The following HSDL2 variants were observed in gnomAD, a reference collection of about 807,000 sequenced individuals.
HSDL2 encodes hydroxysteroid dehydrogenase like 2.
HSDL2 carries 27 observed loss-of-function variants against 46.3 expected under a neutral mutation model. The ratio of observed to expected loss-of-function variants is 0.58; its 90% confidence interval spans 0.43 to 0.80. The LOEUF (loss-of-function observed/expected upper bound fraction) is 0.80, where lower values mean the gene tolerates loss of function less well. Among genes scored for constraint, HSDL2 ranks in the 30% least tolerant of loss-of-function variants. The pLI, the probability that HSDL2 is intolerant of heterozygous loss-of-function variation, is 0.00. For synonymous variants in HSDL2, 153 were observed against 163.6 expected (o/e 0.94, Z 0.50); for missense variants, 451 against 502.7 (o/e 0.90, Z 0.98).
chr9:112,466,344 G>C (rs1275925608), intron 10 of HSDL2, among the ~76,000 whole-genome samples: 1 of 152,172 alleles, frequency 6.6e-6, no homozygotes, highest in Non-Finnish European at 1.5e-5. Context: ...CTTGAGGTCA[G>C]GACTTCGAGA....
Position 112,405,714 on chromosome 9 carries a change from A to T in HSDL2, c.272A>T (p.Lys91Ile), listed in dbSNP as rs41280175. 18,292 of 1,600,750 alleles carry T rather than the reference A, an allele frequency of 0.011. 140 individuals are homozygous for T. Among genetic ancestry groups the T allele is most frequent in the Non-Finnish European group, 0.014 (16,322 of 1,169,490 alleles). Residue 91 changes from lysine to isoleucine, a missense_variant, in exon 3 of 11, where the codon AAA (lysine) becomes ATA (isoleucine). Transcript: ENST00000398805. The part of the protein sequence containing the change: ...ISAAVEKAIK[K>I]FGGIDILVNN... ...GCTGCAGTGGAGAAAGCCATCAAGAAATTTGGAGGTAATACCTTCATTCTG... is the reference window on the plus strand; with the variant it reads ...GCTGCAGTGGAGAAAGCCATCAAGATATTTGGAGGTAATACCTTCATTCTG...
chr9:112,463,152 C>T (rs569715387), intron 10 of HSDL2, among the ~76,000 whole-genome samples: 1 of 151,998 alleles, frequency 6.6e-6, no homozygotes, highest in Admixed American at 6.6e-5. Flanking sequence ...GATATTGCTG[C>T]TATGAACATT....
chr9:112,392,070 G>A (rs2132601590), intron 1 of HSDL2, among the ~76,000 whole-genome samples: 1 of 152,250 alleles, frequency 6.6e-6, no homozygotes, highest in East Asian at 1.9e-4. Flanking sequence ...GGGCCTCCAG[G>A]GGTGACATCA....
At chr9:112,439,548 AT>A (rs1832596819) in intron 7 of HSDL2, among the ~76,000 whole-genome samples, 2 of 152,232 alleles carry the variant, frequency 1.3e-5, no homozygotes, top group African/African-American at 4.8e-5. Context: ...ATGTATTCTA[AT>A]ATAGCCATAC....
At chr9:112,447,907 A>C (rs1178286010) in intron 8 of HSDL2, among the ~76,000 whole-genome samples, 1 of 152,196 alleles carries the variant, frequency 6.6e-6, no homozygotes, top group Middle Eastern at 3.2e-3. Flanking sequence ...GGTCACCATC[A>C]TGAGTTTTTT....
At chr9:112,430,883 T>C (rs1301997486) in intron 6 of HSDL2, among the ~76,000 whole-genome samples, 1 of 151,580 alleles carries the variant, frequency 6.6e-6, no homozygotes. Flanking sequence ...TGAAACCCCA[T>C]CTGTACTAAA....
At chr9:112,397,762 C>T (rs1321900555) in intron 1 of HSDL2, among the ~76,000 whole-genome samples, 1 of 152,050 alleles carries the variant, frequency 6.6e-6, no homozygotes, top group Non-Finnish European at 1.5e-5. Context: ...GCCAAAAGGT[C>T]CCAGTCTAAA....
At chr9:112,465,760 T>C (rs1315044685) in intron 10 of HSDL2, among the ~76,000 whole-genome samples, 1 of 152,266 alleles carries the variant, frequency 6.6e-6, no homozygotes, top group Non-Finnish European at 1.5e-5. Context: ...CTGAATATTA[T>C]TCCATTATAT....
chr9:112,468,944 T>C (rs969118627), intron 10 of HSDL2, among the ~76,000 whole-genome samples: 8 of 152,300 alleles, frequency 5.3e-5, no homozygotes, highest in Non-Finnish European at 1.0e-4. Context: ...CATGATCCAG[T>C]TGATTTAGCT....
intron 6 of HSDL2, among the ~76,000 whole-genome samples, chr9:112,425,987 C>T (rs558420939): frequency 6.6e-6 from 1 of 152,208 alleles, no homozygotes; most frequent in African/African-American, 2.4e-5. Flanking sequence ...GAAATCCTTG[C>T]ACCTCGGCCT....
At chr9:112,446,622 C>T (rs901011517) in intron 8 of HSDL2, among the ~76,000 whole-genome samples, 3 of 152,072 alleles carry the variant, frequency 2.0e-5, no homozygotes, top group Non-Finnish European at 4.4e-5. Context: ...CAGAGGGAGA[C>T]CCTATCTCAA....
At chr9:112,458,979 T>G (rs1338888762) in intron 9 of HSDL2, among the ~76,000 whole-genome samples, 1 of 136,798 alleles carries the variant, frequency 7.3e-6, no homozygotes, top group Admixed American at 7.8e-5. Context: ...AGACTCCATC[T>G]CCAAAAAAAA....
chr9:112,433,834 T>C (rs7038491), intron 6 of HSDL2: 40,720 of 152,106 alleles, frequency 0.27, 5,609 homozygotes, highest in Middle Eastern at 0.38. Context: ...AGGAGATTTA[T>C]TGTGCTTAAC....
At chr9:112,398,866 G>T (rs1388680983) in intron 1 of HSDL2, among the ~76,000 whole-genome samples, 3 of 152,122 alleles carry the variant, frequency 2.0e-5, no homozygotes, top group African/African-American at 7.2e-5. Context: ...ATAGGTACCT[G>T]AACTCCTCCC....
chr9:112,422,627 A>T (rs538931277), intron 6 of HSDL2, among the ~76,000 whole-genome samples: 6 of 152,326 alleles, frequency 3.9e-5, no homozygotes, highest in Admixed American at 3.9e-4. Flanking sequence ...GGAACTTCAC[A>T]TGCAAATACC....
intron 6 of HSDL2, among the ~76,000 whole-genome samples, chr9:112,419,740 C>A (rs1832078213): frequency 6.6e-6 from 1 of 152,188 alleles, no homozygotes; most frequent in Admixed American, 6.5e-5. Flanking sequence ...TCTGAATTCA[C>A]AGAGTACCTG....
chr9:112,416,737 C>T lies in HSDL2; in HGVS notation c.396-104C>T. On this transcript the variant is annotated intron_variant, in intron 4 of 10. Coordinates refer to ENST00000398805, the MANE Select transcript of HSDL2 (RefSeq NM_032303.5). ...TTTAGTGAACTGTGATCGAGTCATGCACTCCAGCCTGGGCAACAGAGCAAG... is the reference window on the plus strand; with the variant it reads ...TTTAGTGAACTGTGATCGAGTCATGTACTCCAGCCTGGGCAACAGAGCAAG... 3 of 578,248 alleles carry T rather than the reference C, an allele frequency of 5.2e-6. No individual in the cohort carries two copies. The South Asian group carries it at 6.5e-5, about 12-fold the overall frequency. 35.8% of individuals were successfully genotyped at this position (578,248 alleles called of 1,614,324 possible).
chr9:112,443,109 A>AAT (rs1446961446), intron 8 of HSDL2, among the ~76,000 whole-genome samples: 1 of 152,194 alleles, frequency 6.6e-6, no homozygotes, highest in African/African-American at 2.4e-5. Flanking sequence ...CAAACTCTAG[A>AAT]AGAGTCTGGT....
At chr9:112,406,802 T>A (rs978586404) in intron 3 of HSDL2, among the ~76,000 whole-genome samples, 1 of 152,176 alleles carries the variant, frequency 6.6e-6, no homozygotes, top group African/African-American at 2.4e-5. Flanking sequence ...TTGATCCTTA[T>A]CTTGTACTAT....
Sources: allele counts gnomAD v4.1 joint callset (sites outside exome capture counted in the v4.1 genomes callset), GRCh38; gene constraint gnomAD v4.1.1; transcripts MANE v1.5; gene names NCBI Gene and HGNC (gene_info 2026-07-23, HGNC 2026-07-21).